The following PHKG2 variants were observed in gnomAD, a reference collection of about 807,000 sequenced individuals.
The protein encoded by PHKG2 is phosphorylase b kinase gamma catalytic chain, liver/testis isoform.
Under a neutral mutation model 44.5 loss-of-function variants are expected in PHKG2, and 28 were observed. The observed-to-expected ratio is 0.63, with a 90% CI of 0.47 to 0.86. PHKG2 has a LOEUF of 0.86. Among genes scored for constraint, PHKG2 ranks in the 40% least tolerant of loss-of-function variants. The pLI is 0.00. For synonymous variants in PHKG2, 220 were observed against 211.2 expected, an observed-to-expected ratio of 1.04 and a Z score of -0.36; for missense variants, 498 against 547.5, an observed-to-expected ratio of 0.91 and a Z score of 0.90.
chr16:30,761,039 G>A lies in PHKG2; in HGVS notation c.*3942G>A. On this transcript the variant is annotated 3_prime_UTR_variant, in exon 10 of 10. Coordinates refer to ENST00000563588, the MANE Select transcript of PHKG2 (RefSeq NM_000294.3). ...TCTCACACTGCCTCCTCTTTGGACTGGAGAGGCTGGAAAGCCAACTTCCAG... is the reference window on the plus strand; with the variant it reads ...TCTCACACTGCCTCCTCTTTGGACTAGAGAGGCTGGAAAGCCAACTTCCAG... 1.3e-6 allele frequency: 1 copy of A among 747,920 alleles called. No homozygotes were observed. Among genetic ancestry groups the A allele is most frequent in the Non-Finnish European group, 2.2e-6 (1 of 460,560 alleles). The allele number at this position is 747,920 out of a possible 1,614,324, so 46.3% of individuals were successfully genotyped here.
Position 30,759,726 on chromosome 16 carries a change from TG to T in PHKG2, c.*2631del. ...CCTCCACGTTGCCCAAGGGGGTTGC[TG>T]GTAGGGAAAGCAAGATGCAGCAGTG... On this transcript the variant is annotated 3_prime_UTR_variant, in exon 10 of 10. Coordinates refer to ENST00000563588, the MANE Select transcript of PHKG2 (RefSeq NM_000294.3). 1 of 1,605,826 alleles carries T rather than the reference TG, an allele frequency of 6.2e-7. No individual in the cohort carries two copies. Among genetic ancestry groups the T allele is most frequent in the Non-Finnish European group, 8.5e-7 (1 of 1,175,440 alleles).
chr16:30,754,114 A>G (rs948356263), intron 6 of PHKG2, among the ~76,000 whole-genome samples: 1 of 151,526 alleles, frequency 6.6e-6, no homozygotes, highest in Non-Finnish European at 1.5e-5. Context: ...ATGAAAAGCT[A>G]CCGTTTACTG....
Position 30,756,482 on chromosome 16 carries a change from C to T in PHKG2, c.763C>T (p.Pro255Ser), listed in dbSNP as rs779404778. ...IMEGQYQFSS[P>S]EWDDRSSTVK... ...GGAGGGCCAGTACCAGTTCAGTTCC[C>T]CCGAGTGGGATGACCGTTCCAGCAC... The change falls in exon 8 of 10, where the codon CCC becomes TCC. Residue 255 changes from proline to serine, a missense_variant. By Grantham distance (74) the Pro-to-Ser change is moderately conservative. Transcript: ENST00000563588. 2.5e-6 allele frequency: 4 copies of T among 1,613,270 alleles called. No homozygotes were observed. In the African/African-American group the frequency reaches 5.3e-5, roughly 22 times the overall value.
At chr16:30,751,410 C>T (rs529513221) in intron 3 of PHKG2, 129 bp downstream of exon 3, 16 of 1,294,122 alleles carry the variant, frequency 1.2e-5, no homozygotes, top group South Asian at 3.6e-5. Context: ...AGTGGCCATC[C>T]GTTGGGCGCC....
intron 2 of PHKG2, among the ~76,000 whole-genome samples, chr16:30,750,255 G>A (rs777665096): frequency 1.3e-5 from 2 of 152,172 alleles, no homozygotes; most frequent in Admixed American, 6.5e-5. Context: ...ACATCTGAGG[G>A]CTGTGTTTGG....
Position 30,757,315 on chromosome 16 carries a change from A to G in PHKG2, c.*218A>G, listed in dbSNP as rs949343955. 3 of 1,530,718 alleles carry G rather than the reference A, an allele frequency of 2.0e-6. No homozygotes were observed. The highest frequency in any genetic ancestry group is 1.7e-6 in the Non-Finnish European group (2 of 1,145,748). The allele number at this position is 1,530,718 out of a possible 1,614,324, so 94.8% of individuals were successfully genotyped here. On this transcript the variant is annotated 3_prime_UTR_variant, in exon 10 of 10. Transcript: ENST00000563588. ...TCTGAACGCCACGCCTGGCCCGGTCAGTGCTGCATGCACTGCATATGAAAT... is the reference window on the plus strand; with the variant it reads ...TCTGAACGCCACGCCTGGCCCGGTCGGTGCTGCATGCACTGCATATGAAAT...
At chr16:30,751,337 C>G (rs1204251477) in intron 3 of PHKG2, 56 bp downstream of exon 3, 2 of 1,565,968 alleles carry the variant, frequency 1.3e-6, no homozygotes, top group African/African-American at 2.7e-5. Flanking sequence ...CCTGCTGGCC[C>G]TGCCCATAGC....
At chr16:30,752,085 TC>T (rs1177159877) in intron 4 of PHKG2, among the ~76,000 whole-genome samples, 1 of 143,994 alleles carries the variant, frequency 6.9e-6, no homozygotes, top group African/African-American at 2.6e-5. Flanking sequence ...AGAGTGAGAC[TC>T]CATCTCAAAA....
rs375679257 is a variant in PHKG2, at chr16:30,751,094, C to T, written c.96-12C>T. Reference sequence around the variant, plus strand: ...AGAGGCCCTGACTTGTGCTATTTTCCGGCTCTTGCAGAGGAGTGAGCTCTG... The same window carrying T: ...AGAGGCCCTGACTTGTGCTATTTTCTGGCTCTTGCAGAGGAGTGAGCTCTG... On this transcript the variant is annotated splice_polypyrimidine_tract_variant and intron_variant, in intron 2 of 9. Transcript: ENST00000563588. The T allele has an allele frequency of 5.7e-5, 92 of 1,612,784 alleles. No homozygotes were observed. Among genetic ancestry groups the T allele is most frequent in the Non-Finnish European group, 7.2e-5 (85 of 1,179,950 alleles).
Position 30,756,927 on chromosome 16 carries a change from G to A in PHKG2, c.1051G>A (p.Asp351Asn), listed in dbSNP as rs151033581. Residue 351 changes from aspartate (D) to asparagine (N), a missense_variant, in exon 10 of 10, where the codon GAC becomes AAC. Coordinates refer to ENST00000563588, the MANE Select transcript of PHKG2 (RefSeq NM_000294.3). ...GCTGCGGTCAGTGCGGCACCTCATC[G>A]ACAACTGTGCCTTCCGGCTCTACGG... The part of the protein sequence containing the change: ...YALRSVRHLI[D>N]NCAFRLYGHW... The A allele has an allele frequency of 5.6e-5, 90 of 1,613,800 alleles. No individual in the cohort carries two copies. Among genetic ancestry groups the A allele is most frequent in the Admixed American group, 1.8e-4 (11 of 60,004 alleles).
In PHKG2 at chr16:30,748,922, C is replaced by T; in HGVS notation, c.95+7C>T. The T allele has an allele frequency of 6.5e-7, 1 of 1,549,704 alleles. No individual in the cohort carries two copies. The highest frequency in any genetic ancestry group is 8.7e-7 in the Non-Finnish European group (1 of 1,145,330). On this transcript the variant is annotated splice_region_variant and intron_variant, in intron 2 of 9. Transcript: ENST00000563588. Reference sequence around the variant, plus strand: ...CTAAGGACGTCATCGGCAGGTAAGGCCGCGGCCAGGGAAACGGAGGTCCAA... The same window carrying T: ...CTAAGGACGTCATCGGCAGGTAAGGTCGCGGCCAGGGAAACGGAGGTCCAA...
rs765925576 is a variant in PHKG2, at chr16:30,761,151, A to G, written c.*4054A>G. 11 of 1,604,908 alleles carry G rather than the reference A, an allele frequency of 6.9e-6. No individual in the cohort carries two copies. Among genetic ancestry groups the G allele is most frequent in the Non-Finnish European group, 9.4e-6 (11 of 1,173,192 alleles). ...CACAGACAGGACTGTTGGGGAGACA[A>G]TAAAGAACGCAAATATTCAGTGTAA... On this transcript the variant is annotated 3_prime_UTR_variant, in exon 10 of 10. Coordinates refer to ENST00000563588, the MANE Select transcript of PHKG2 (RefSeq NM_000294.3).
intron 1 of PHKG2, 130 bp downstream of exon 1, chr16:30,748,620 G>A: frequency 1.8e-6 from 1 of 567,512 alleles, no homozygotes; most frequent in Non-Finnish European, 3.1e-6. Context: ...TCCCTGCCCT[G>A]CCATCCTCCC....
At position 30,755,104 on chromosome 16, in the gene PHKG2, T is replaced by C. The variant is rs1463914578; in HGVS notation, c.557-1078T>C. On this transcript the variant is annotated intron_variant, in intron 6 of 9. Coordinates refer to ENST00000563588, the MANE Select transcript of PHKG2 (RefSeq NM_000294.3). ...TAAAAATACAGACTTGAGCCAAGCG[T>C]GGTGGCACGCATCTGTCACCCCAGC... 2.0e-5 allele frequency: 7 copies of C among 341,922 alleles called. 1 individual carries two copies. Among genetic ancestry groups the C allele is most frequent in the South Asian group, 8.8e-5 (4 of 45,356 alleles). 21.2% of individuals were successfully genotyped at this position (341,922 alleles called of 1,614,324 possible).
rs372673156 is a variant in PHKG2, at chr16:30,756,493, T to C, written c.774T>C (p.Asp258=). ...ACCAGTTCAGTTCCCCCGAGTGGGA[T>C]GACCGTTCCAGCACTGTCAAAGACC... The part of the protein sequence containing the change: ...GQYQFSSPEW[D]DRSSTVKDLI... The change falls in exon 8 of 10, where the codon GAT becomes GAC. Residue 258 remains aspartate, a synonymous_variant. Coordinates refer to ENST00000563588, the MANE Select transcript of PHKG2 (RefSeq NM_000294.3). 8.1e-6 allele frequency: 13 copies of C among 1,613,400 alleles called. No individual in the cohort carries two copies. The highest frequency in any genetic ancestry group is 1.1e-5 in the Non-Finnish European group (13 of 1,179,992).
At position 30,756,692 on chromosome 16, in the gene PHKG2, C is replaced by T; in HGVS notation, c.904C>T (p.Leu302Phe). 1 of 1,614,080 alleles carries T rather than the reference C, an allele frequency of 6.2e-7. No individual in the cohort carries two copies. The highest frequency in any genetic ancestry group is 1.1e-5 in the South Asian group (1 of 91,084). Residue 302 changes from leucine to phenylalanine, a missense_variant, in exon 9 of 10, where the codon CTC becomes TTC. Leu to Phe is a conservative substitution (Grantham distance 22). Coordinates refer to ENST00000563588, the MANE Select transcript of PHKG2 (RefSeq NM_000294.3). ...ERCEGSQPWN[L>F]TPRQRFRVAV... The stretch of plus-strand genomic sequence containing the variant: ...TTGTGAAGGCAGCCAACCCTGGAAC[C>T]TCACCCCCCGCCAGCGGTTCCGGGT...
rs556104200 is a variant in PHKG2, at chr16:30,759,285, C to G, written c.*2188C>G. The G allele has an allele frequency of 7.4e-6, 12 of 1,613,636 alleles. No individual in the cohort carries two copies. Among genetic ancestry groups the G allele is most frequent in the Non-Finnish European group, 1.0e-5 (12 of 1,179,684 alleles). On this transcript the variant is annotated 3_prime_UTR_variant, in exon 10 of 10. Coordinates refer to ENST00000563588, the MANE Select transcript of PHKG2 (RefSeq NM_000294.3). The stretch of plus-strand genomic sequence containing the variant: ...GCAGAGGGAGGCTGAAAGGAGTGCA[C>G]CTGTGCTGAGGGGAGGGGCGGTTGA...
chr16:30,758,703 G>A lies in PHKG2; in HGVS notation c.*1606G>A, dbSNP rs555958023. On this transcript the variant is annotated 3_prime_UTR_variant, in exon 10 of 10. Transcript: ENST00000563588. ...CCTGAGTAGCTGGGACTACAAGCGC[G>A]CACCACCATGCCTGGCTATTTTTTG... The A allele has an allele frequency of 5.5e-5, 20 of 366,236 alleles. No individual in the cohort carries two copies. Among genetic ancestry groups the A allele is most frequent in the African/African-American group, 2.7e-4 (13 of 47,882 alleles). The allele number at this position is 366,236 out of a possible 1,614,324, so 22.7% of individuals were successfully genotyped here.
intron 6 of PHKG2, chr16:30,755,112 C>T (rs536827457): frequency 7.1e-4 from 237 of 332,364 alleles, no homozygotes; most frequent in Admixed American, 2.8e-3. Context: ...CGTGGTGGCA[C>T]GCATCTGTCA....
Sources: gnomAD v4.1 joint callset for allele counts (sites outside exome capture counted in the v4.1 genomes callset) on GRCh38, gnomAD v4.1.1 for gene constraint, MANE v1.5 for transcripts, NCBI Gene and HGNC (gene_info 2026-07-23, HGNC 2026-07-21) for gene names.